Variants in HEXA observed in about 807,000 individuals in gnomAD.
HEXA encodes beta-hexosaminidase subunit alpha.
A neutral mutation model predicts 73.3 loss-of-function variants in HEXA; 54 were observed. That is an observed-to-expected ratio of 0.74 (90% CI 0.59 to 0.92). HEXA has a LOEUF of 0.92. Ranked by LOEUF, HEXA falls within the 40% of genes least tolerant of loss-of-function variation. The probability of loss-of-function intolerance (pLI) is 0.00; values close to 1 mark genes in which losing one functional copy is unlikely to be tolerated. For synonymous variants in HEXA, 230 were observed against 246.9 expected (o/e 0.93, Z 0.64); for missense variants, 649 against 653.0 (o/e 0.99, Z 0.07).
intron 8 of HEXA, 83 bp from the exon 9 acceptor site, chr15:72,348,217 A>T: frequency 2.2e-6 from 2 of 909,162 alleles, no homozygotes; most frequent in Non-Finnish European, 3.6e-6. Flanking sequence ...GGCCCCCTAT[A>T]ACTTCCTCTT....
chr15:72,346,387 C>T, intron 11 of HEXA, 62 bp from the exon 12 acceptor site: 1 of 1,522,558 alleles, frequency 6.6e-7, no homozygotes, highest in Non-Finnish European at 9.1e-7. Flanking sequence ...TCCCTCTCAA[C>T]CACCTTCCCA....
rs1480154049 is a variant in HEXA at position 72,355,262 on chromosome 15, A to T, written c.412+297T>A. On this transcript the variant is annotated intron_variant, in intron 3 of 13. Coordinates refer to ENST00000268097, the MANE Select transcript of HEXA (RefSeq NM_000520.6). ...GCTTCCTGGCTGGGCGCGGTGGCAC[A>T]CACCTGTAATCCCAGAACTTTGGGA... 3 of 421,188 alleles carry T rather than the reference A, an allele frequency of 7.1e-6. No individual in the cohort carries two copies. In the East Asian group the frequency reaches 1.5e-4, roughly 21 times the overall value. 26.1% of individuals were successfully genotyped at this position (421,188 alleles called of 1,614,324 possible). A position where few individuals can be genotyped will look rare whatever the true frequency, so the allele number is the denominator to read the frequency against.
chr15:72,345,366 A>AT, intron 13 of HEXA, 80 bp downstream of exon 13: 1 of 1,590,180 alleles, frequency 6.3e-7, no homozygotes, highest in Non-Finnish European at 8.6e-7. Context: ...ATTGTTAATT[A>AT]TTGTCTTCCT....
At chr15:72,352,447 C>CAAA (rs540544720) in intron 5 of HEXA, among the ~76,000 whole-genome samples, 1 of 67,144 alleles carries the variant, frequency 1.5e-5, no homozygotes. Context: ...ACAAAAAATA[C>CAAA]AAAAAAAAAA....
intron 1 of HEXA, chr15:72,357,986 C>A (rs1442145974): frequency 6.6e-6 from 1 of 152,168 alleles, no homozygotes; most frequent in African/African-American, 2.4e-5. Context: ...CAGCTCCATA[C>A]TTGAACCCTA....
intron 1 of HEXA, among the ~76,000 whole-genome samples, chr15:72,360,910 G>T (rs553432694): frequency 6.6e-6 from 1 of 152,238 alleles, no homozygotes; most frequent in African/African-American, 2.4e-5. Flanking sequence ...TCAGTGCCTG[G>T]TACCTCCTAT....
intron 12 of HEXA, 168 bp from the exon 13 acceptor site, chr15:72,345,718 T>G (rs928445199): frequency 3.9e-6 from 4 of 1,030,992 alleles, no homozygotes; most frequent in Admixed American, 2.0e-5. Context: ...TCCCAGAGAG[T>G]TCTACGGCTC....
At chr15:72,344,480 A>G (rs1008304479) in intron 13 of HEXA, among the ~76,000 whole-genome samples, 1 of 152,166 alleles carries the variant, frequency 6.6e-6, no homozygotes, top group Non-Finnish European at 1.5e-5. Flanking sequence ...TCTGAAAGGC[A>G]GCCAATGCTC....
chr15:72,362,548 T>C (rs182716587), intron 1 of HEXA: 20 of 449,942 alleles, frequency 4.4e-5, no homozygotes, highest in Admixed American at 1.4e-4. Flanking sequence ...AAATAGCAAG[T>C]AGTTAATGTA....
rs375019490 is a variant in HEXA, at chr15:72,346,274, C to T, written c.1382G>A (p.Gly461Glu). ...CAGGTTTGTGTTGTCCACATATTCT[C>T]CCCACATACAAGCCTCTCCACCAAT... ...LVIGGEACMW[G>E]EYVDNTNLVP... The change falls in exon 12 of 14, where the codon GGA (glycine) becomes GAA (glutamate). Residue 461 changes from glycine to glutamate, a missense_variant. Physicochemically the swap from Gly to Glu is moderately conservative, Grantham distance 98. Transcript: ENST00000268097. 2 of 1,613,934 alleles carry T rather than the reference C, an allele frequency of 1.2e-6. No individual in the cohort carries two copies. The highest frequency in any genetic ancestry group is 1.7e-6 in the Non-Finnish European group (2 of 1,179,962).
In HEXA at chr15:72,346,297, A is replaced by G. The variant is rs113941121; in HGVS notation, c.1359T>C (p.Ile453=). ...EGTPEQKALV[I]GGEACMWGEY... is the part of the protein sequence containing the mutation. ...CTCCCCACATACAAGCCTCTCCACC[A>G]ATCACCAGAGCCTTCTGCTCAGGGG... Residue 453 remains isoleucine, a synonymous_variant, in exon 12 of 14, where the codon ATT becomes ATC. Coordinates refer to ENST00000268097, the MANE Select transcript of HEXA (RefSeq NM_000520.6). 11 of 1,613,962 alleles carry G rather than the reference A, an allele frequency of 6.8e-6. No homozygotes were observed. Among genetic ancestry groups the G allele is most frequent in the African/African-American group, 6.7e-5 (5 of 75,010 alleles).
At chr15:72,366,371 C>T (rs1268986508) in intron 1 of HEXA, among the ~76,000 whole-genome samples, 10 of 151,342 alleles carry the variant, frequency 6.6e-5, no homozygotes, top group African/African-American at 2.2e-4. Flanking sequence ...TGCAGTGGCG[C>T]GATCTCAGCT....
intron 1 of HEXA, 22 bp downstream of exon 1, chr15:72,375,698 G>A (rs1231699541): frequency 2.5e-6 from 4 of 1,613,884 alleles, no homozygotes; most frequent in Non-Finnish European, 3.4e-6. Flanking sequence ...CCCAGGAACA[G>A]GGCGGGACAA....
At position 72,375,701 on chromosome 15, in the gene HEXA, C is replaced by G. The variant is rs370680843; in HGVS notation, c.253+19G>C. ...GCACTCTCAGGGCCCAGGAACAGGG[C>G]GGGACAAGTCCGACTCACCTGTGAG... On this transcript the variant is annotated intron_variant, in intron 1 of 13. Coordinates refer to ENST00000268097, the MANE Select transcript of HEXA (RefSeq NM_000520.6). 1 of 1,613,808 alleles carries G rather than the reference C, an allele frequency of 6.2e-7. No homozygotes were observed.
intron 5 of HEXA, chr15:72,351,810 CTTTTTTTTTTTTTTTT>C (rs71133985): frequency 1.6e-5 from 1 of 62,356 alleles, no homozygotes; most frequent in East Asian, 5.4e-4. Context: ...CCAGGAAAGG[CTTTTTTTTTTTTTTTT>C]TTTTTTTTTG....
chr15:72,360,311 T>C (rs1467872786), intron 1 of HEXA: 1 of 152,720 alleles, frequency 6.5e-6, no homozygotes, highest in Non-Finnish European at 1.5e-5. Context: ...GAAAATCTTC[T>C]ATCTCCATCA....
rs1464833943 is a variant in HEXA at position 72,353,740 on chromosome 15, AG to A, written c.413-4del. The A allele has an allele frequency of 6.2e-7, 1 of 1,608,260 alleles. No individual in the cohort carries two copies. Among genetic ancestry groups the A allele is most frequent in the Non-Finnish European group, 8.5e-7 (1 of 1,174,628 alleles). The stretch of plus-strand genomic sequence containing the variant: ...AAGCTGGCTAAAAGTCTCCAGACCT[AG>A]GAAGATGTAGAGAGGCAGAGTAAAG... On this transcript the variant is annotated splice_polypyrimidine_tract_variant and splice_region_variant and intron_variant, in intron 3 of 13. Coordinates refer to ENST00000268097, the MANE Select transcript of HEXA (RefSeq NM_000520.6).
Position 72,349,103 on chromosome 15 carries a change from C to T in HEXA, c.962G>A (p.Gly321Glu), listed in dbSNP as rs1316178162. Residue 321 changes from glycine (G) to glutamate (E), a missense_variant, in exon 8 of 14, where the codon GGA becomes GAA. Coordinates refer to ENST00000268097, the MANE Select transcript of HEXA (RefSeq NM_000520.6). ...CCAGCAGGTGAAATCAACCTCATCT[C>T]CTCCAAGATGAAGATAAAAATCTGG... ...VFPDFYLHLG[G>E]DEVDFTCWKS... is the part of the protein sequence containing the mutation. 6.2e-7 allele frequency: 1 copy of T among 1,613,842 alleles called. No homozygotes were observed. The highest frequency in any genetic ancestry group is 8.5e-7 in the Non-Finnish European group (1 of 1,179,776).
chr15:72,374,166 T>C (rs973450451), intron 1 of HEXA, among the ~76,000 whole-genome samples: 1 of 152,228 alleles, frequency 6.6e-6, no homozygotes, highest in Non-Finnish European at 1.5e-5. Flanking sequence ...CTTAAGACTT[T>C]TCTTGTAACC....
Sources: allele counts gnomAD v4.1 joint callset (sites outside exome capture counted in the v4.1 genomes callset), GRCh38; gene constraint gnomAD v4.1.1; transcripts MANE v1.5; gene names NCBI Gene and HGNC (gene_info 2026-07-23, HGNC 2026-07-21).